The following DRC11 variants were observed in gnomAD, a reference collection of about 807,000 sequenced individuals.
DRC11 encodes dynein regulatory complex subunit 11, also known as IQ and AAA domain-containing protein 1.
the DRC11 span, among the ~76,000 whole-genome samples, chr2:236,365,592 G>C: frequency 2.6e-5 from 4 of 152,134 alleles, no homozygotes; most frequent in South Asian, 2.1e-4. The surrounding 1 kb of genome is among the most constrained non-coding windows in gnomAD (Gnocchi z 7.4). Context: ...GCTGAGGACA[G>C]AGCCTTGGGT....
At chr2:236,494,770 T>G in the DRC11 span, among the ~76,000 whole-genome samples, 1 of 152,126 alleles carries the variant, frequency 6.6e-6, no homozygotes, top group East Asian at 1.9e-4. This position sits in a 1 kb window ranked among gnomAD's most constrained non-coding sequence, Gnocchi z 4.2. Context: ...TAGGACCTGG[T>G]GGGACAGTAT....
At chr2:236,461,045 C>T in the DRC11 span, among the ~76,000 whole-genome samples, 7 of 152,154 alleles carry the variant, frequency 4.6e-5, no homozygotes, top group African/African-American at 1.2e-4. The surrounding 1 kb of genome is among the most constrained non-coding windows in gnomAD (Gnocchi z 4.0). Flanking sequence ...TGTCAGCCAC[C>T]GTGCCTGGAC....
chr2:236,437,196 G>GT, the DRC11 span, among the ~76,000 whole-genome samples: 1 of 142,654 alleles, frequency 7.0e-6, no homozygotes, highest in African/African-American at 2.6e-5. Flanking sequence ...GCGGTGTTTG[G>GT]TTTTTTGTTC....
At chr2:236,491,219 G>GTATATATATATATATA in the DRC11 span, among the ~76,000 whole-genome samples, 1 of 19,566 alleles carries the variant, frequency 5.1e-5, no homozygotes, top group African/African-American at 2.0e-4. Context: ...TATACACACA[G>GTATATATATATATATA]TATATATATA....
chr2:236,409,924 T>G, the DRC11 span, among the ~76,000 whole-genome samples: 1 of 152,222 alleles, frequency 6.6e-6, no homozygotes, highest in Non-Finnish European at 1.5e-5. Flanking sequence ...TTGATTTGTG[T>G]ATATTGAACC....
chr2:236,443,947 A>G, the DRC11 span, among the ~76,000 whole-genome samples: 1 of 148,588 alleles, frequency 6.7e-6, no homozygotes, highest in Non-Finnish European at 1.5e-5. This position sits in a 1 kb window ranked among gnomAD's most constrained non-coding sequence, Gnocchi z 4.4. Context: ...AGTGATGTTG[A>G]GCTTGTTTTG....
chr2:236,345,481 G>A, the DRC11 span, among the ~76,000 whole-genome samples: 5 of 152,122 alleles, frequency 3.3e-5, no homozygotes, highest in East Asian at 7.7e-4. Flanking sequence ...TTTAATTACC[G>A]CCTCTGGCCG....
At chr2:236,436,737 T>C in the DRC11 span, among the ~76,000 whole-genome samples, 1 of 152,134 alleles carries the variant, frequency 6.6e-6, no homozygotes, top group Non-Finnish European at 1.5e-5. Flanking sequence ...TTTTTGATCT[T>C]CATAGTTTGG....
At chr2:236,434,912 A>C in the DRC11 span, among the ~76,000 whole-genome samples, 1 of 152,206 alleles carries the variant, frequency 6.6e-6, no homozygotes, top group Non-Finnish European at 1.5e-5. This position sits in a 1 kb window ranked among gnomAD's most constrained non-coding sequence, Gnocchi z 5.5. Flanking sequence ...AAAAAGTGAA[A>C]CAACCCCAAA....
chr2:236,497,436 G>A, the DRC11 span: 28 of 1,613,552 alleles, frequency 1.7e-5, no homozygotes, highest in African/African-American at 1.2e-4. The surrounding 1 kb of genome is among the most constrained non-coding windows in gnomAD (Gnocchi z 5.1). Context: ...GCTCTTTATC[G>A]AGTAAAGCAC....
chr2:236,349,109 C>T, the DRC11 span, among the ~76,000 whole-genome samples: 1 of 152,176 alleles, frequency 6.6e-6, no homozygotes, highest in South Asian at 2.1e-4. This position sits in a 1 kb window ranked among gnomAD's most constrained non-coding sequence, Gnocchi z 5.5. Flanking sequence ...ACCCCACAGT[C>T]TATTCATGGC....
chr2:236,399,332 G>T, the DRC11 span: 1 of 1,090,680 alleles, frequency 9.2e-7, no homozygotes, highest in Non-Finnish European at 1.4e-6. The surrounding 1 kb of genome is among the most constrained non-coding windows in gnomAD (Gnocchi z 7.0). Context: ...TCGGTTGTGA[G>T]TGGCATACAG....
chr2:236,346,528 G>T, the DRC11 span, among the ~76,000 whole-genome samples: 1 of 152,188 alleles, frequency 6.6e-6, no homozygotes, highest in Non-Finnish European at 1.5e-5. Context: ...CAGCCTATGC[G>T]GGTTCCCTCA....
the DRC11 span, among the ~76,000 whole-genome samples, chr2:236,339,264 G>T: frequency 6.6e-6 from 1 of 152,126 alleles, no homozygotes; most frequent in South Asian, 2.1e-4. Flanking sequence ...TGGGTTATTT[G>T]TCTTTTTATT....
At chr2:236,359,999 A>G in the DRC11 span, among the ~76,000 whole-genome samples, 4 of 152,144 alleles carry the variant, frequency 2.6e-5, no homozygotes, top group Non-Finnish European at 4.4e-5. The surrounding 1 kb of genome is among the most constrained non-coding windows in gnomAD (Gnocchi z 4.3). Flanking sequence ...CCAGTTTGTG[A>G]TAATTCTAAT....
the DRC11 span, chr2:236,441,195 T>G: frequency 2.0e-6 from 2 of 1,021,466 alleles, no homozygotes; most frequent in African/African-American, 1.6e-5. Context: ...ATTTATTTGC[T>G]TATGTTCATT....
At chr2:236,338,474 T>C in the DRC11 span, 2 of 1,145,602 alleles carry the variant, frequency 1.7e-6, no homozygotes, top group East Asian at 2.3e-5. Context: ...CAGCATCCTT[T>C]GTTAAAGTGA....
At chr2:236,472,930 G>A in the DRC11 span, among the ~76,000 whole-genome samples, 3 of 152,090 alleles carry the variant, frequency 2.0e-5, no homozygotes, top group African/African-American at 7.2e-5. The surrounding 1 kb of genome is among the most constrained non-coding windows in gnomAD (Gnocchi z 4.6). Flanking sequence ...CTTCAAAGCT[G>A]GTGCCTGGAA....
the DRC11 span, among the ~76,000 whole-genome samples, chr2:236,485,132 A>G: frequency 6.6e-6 from 1 of 152,016 alleles, no homozygotes; most frequent in Non-Finnish European, 1.5e-5. Flanking sequence ...TCTCTCTTCA[A>G]TATTTTCTAT....
Sources: gnomAD v4.1 joint callset for allele counts (sites outside exome capture counted in the v4.1 genomes callset) on GRCh38, gnomAD v4.1.1 for gene constraint, Gnocchi (gnomAD v3.1) non-coding constraint, MANE v1.5 for transcripts, NCBI Gene and HGNC (gene_info 2026-07-23, HGNC 2026-07-21) for gene names.